The following DOCK8 variants were observed in gnomAD, a reference collection of about 807,000 sequenced individuals.
DOCK8 encodes the protein dedicator of cytokinesis protein 8.
Under a neutral mutation model 245.6 loss-of-function variants are expected in DOCK8, and 141 were observed. The observed-to-expected ratio is 0.57, with a 90% CI of 0.50 to 0.66. The LOEUF is 0.66. Among genes scored for constraint, DOCK8 ranks in the 30% least tolerant of loss-of-function variants. DOCK8 has a pLI of 0.00. For synonymous variants in DOCK8, 1,168 were observed against 970.2 expected (o/e 1.20, Z -3.79); for missense variants, 2,965 against 2,603.4 (o/e 1.14, Z -3.02).
chr9:240,820 A>C (rs1209728838), intron 1 of DOCK8, among the ~76,000 whole-genome samples: 1 of 152,184 alleles, frequency 6.6e-6, no homozygotes, highest in Non-Finnish European at 1.5e-5. Flanking sequence ...TGCGTAAACT[A>C]ATATATCATG....
chr9:224,633 A>ACCTT (rs2046953626), intron 1 of DOCK8, among the ~76,000 whole-genome samples: 1 of 152,292 alleles, frequency 6.6e-6, no homozygotes, highest in African/African-American at 2.4e-5. Context: ...TCTTTGGCAG[A>ACCTT]CCTTTTTGAG....
intron 14 of DOCK8, among the ~76,000 whole-genome samples, chr9:357,889 A>G (rs192617412): frequency 0.014 from 2,137 of 152,316 alleles, 16 homozygotes; most frequent in Non-Finnish European, 0.02. Context: ...CCTACACATC[A>G]GGAGTTTTCC....
At chr9:323,416 T>C (rs1242565402) in intron 7 of DOCK8, among the ~76,000 whole-genome samples, 1 of 151,790 alleles carries the variant, frequency 6.6e-6, no homozygotes, top group Non-Finnish European at 1.5e-5. Flanking sequence ...AGAGACAGGG[T>C]TTCACCGTGT....
chr9:242,441 T>C (rs1303202389), intron 1 of DOCK8, among the ~76,000 whole-genome samples: 2 of 152,194 alleles, frequency 1.3e-5, no homozygotes, highest in African/African-American at 4.8e-5. Context: ...ATACATGTCT[T>C]GTTATGTTAA....
At chr9:265,315 T>C (rs2048012174) in intron 1 of DOCK8, among the ~76,000 whole-genome samples, 1 of 152,228 alleles carries the variant, frequency 6.6e-6, no homozygotes, top group Non-Finnish European at 1.5e-5. Context: ...TAACAACCTT[T>C]CACTGCTTAT....
At chr9:402,837 T>C (rs570374321) in intron 26 of DOCK8, among the ~76,000 whole-genome samples, 5 of 152,318 alleles carry the variant, frequency 3.3e-5, no homozygotes, top group African/African-American at 9.6e-5. Context: ...AGGAAGTTTT[T>C]GGAATGCACC....
rs141463459 is a variant in DOCK8 at position 395,061 on chromosome 9, A to T, written c.2971-1724A>T. Among the ~76,000 whole-genome samples the T allele has an allele frequency of 3.6e-3, 548 of 152,332 alleles. 3 individuals are homozygous for T. The highest frequency in any genetic ancestry group is 0.013 in the African/African-American group (530 of 41,592). On this transcript the variant is annotated intron_variant, in intron 24 of 47. Transcript: ENST00000432829. ...CAAAACAAAGAGGCCTTATCTTCTT[A>T]AGTCCTTTGTTAGGAGCATAGTGAG... is the stretch of plus-strand genomic sequence containing the variant.
chr9:242,445 A>G (rs1299715703), intron 1 of DOCK8, among the ~76,000 whole-genome samples: 1 of 152,208 alleles, frequency 6.6e-6, no homozygotes, highest in Non-Finnish European at 1.5e-5. Context: ...ATGTCTTGTT[A>G]TGTTAAAGGA....
At chr9:248,527 CT>C in intron 1 of DOCK8, among the ~76,000 whole-genome samples, 1 of 86,936 alleles carries the variant, frequency 1.2e-5, no homozygotes, top group East Asian at 5.2e-4. Context: ...TTCCCTCCCT[CT>C]CTCTCTTTCT....
intron 14 of DOCK8, among the ~76,000 whole-genome samples, chr9:342,441 G>C (rs1033457005): frequency 1.4e-5 from 2 of 144,880 alleles, no homozygotes; most frequent in Non-Finnish European, 3.0e-5. Context: ...TTCATGTAAA[G>C]GTTTGTGGGT....
At chr9:219,409 T>A (rs574136918) in intron 1 of DOCK8, among the ~76,000 whole-genome samples, 35 of 152,182 alleles carry the variant, frequency 2.3e-4, no homozygotes, top group African/African-American at 8.4e-4. Context: ...AGGTGGAGGC[T>A]ACAGTGAGCT....
chr9:229,421 T>C (rs1587621928), intron 1 of DOCK8, among the ~76,000 whole-genome samples: 1 of 152,166 alleles, frequency 6.6e-6, no homozygotes, highest in African/African-American at 2.4e-5. Flanking sequence ...TGGAGGCAGG[T>C]ATATGAACTT....
At chr9:407,155 G>C in intron 28 of DOCK8, 86 bp downstream of exon 28, 1 of 1,576,754 alleles carries the variant, frequency 6.3e-7, no homozygotes, top group Non-Finnish European at 8.6e-7. Context: ...TCTCACACTT[G>C]GTAAAAAACT....
At chr9:457,319 A>G (rs941922392) in intron 46 of DOCK8, among the ~76,000 whole-genome samples, 2 of 152,220 alleles carry the variant, frequency 1.3e-5, no homozygotes, top group African/African-American at 4.8e-5. Context: ...CGGTTTCCCC[A>G]GATGTAAAAT....
intron 4 of DOCK8, among the ~76,000 whole-genome samples, chr9:300,662 AC>A (rs1331434144): frequency 6.6e-6 from 1 of 152,198 alleles, no homozygotes; most frequent in African/African-American, 2.4e-5. Flanking sequence ...GACAAAAATG[AC>A]ACTACAACTG....
At chr9:235,544 A>C (rs2047224278) in intron 1 of DOCK8, among the ~76,000 whole-genome samples, 1 of 152,140 alleles carries the variant, frequency 6.6e-6, no homozygotes, top group Non-Finnish European at 1.5e-5. Flanking sequence ...GGTGGGCTCC[A>C]CCCAGTTCGA....
At chr9:459,983 C>G (rs72705640) in intron 46 of DOCK8, 12,154 of 152,260 alleles carry the variant, frequency 0.08, 705 homozygotes, top group South Asian at 0.2. Context: ...CCATCCACCT[C>G]TTGATGGGGG....
intron 4 of DOCK8, among the ~76,000 whole-genome samples, chr9:298,438 A>AAAAACC (rs1421399979): frequency 6.6e-6 from 1 of 152,200 alleles, no homozygotes; most frequent in African/African-American, 2.4e-5. Flanking sequence ...AAACAAAAAC[A>AAAAACC]AACAGAAAAA....
intron 14 of DOCK8, among the ~76,000 whole-genome samples, chr9:363,183 A>G (rs2052811818): frequency 6.6e-6 from 1 of 152,214 alleles, no homozygotes; most frequent in Non-Finnish European, 1.5e-5. Flanking sequence ...GGTATATGTG[A>G]CTGAAAAAAA....
Sources: gnomAD v4.1 joint callset for allele counts (sites outside exome capture counted in the v4.1 genomes callset) on GRCh38, gnomAD v4.1.1 for gene constraint, MANE v1.5 for transcripts, NCBI Gene and HGNC (gene_info 2026-07-23, HGNC 2026-07-21) for gene names.